Variants in PLCB4 observed in about 807,000 individuals in gnomAD.
PLCB4 encodes the protein 1-phosphatidylinositol 4,5-bisphosphate phosphodiesterase beta-4.
Under a neutral mutation model 178.8 loss-of-function variants are expected in PLCB4, and 77 were observed. That is an observed-to-expected ratio of 0.43 (90% CI 0.36 to 0.52). PLCB4 has a LOEUF of 0.52. PLCB4 is among the 20% of genes least tolerant of loss of function. The pLI is 0.00. For missense variants in PLCB4, 1,024 were observed against 1,453.4 expected (o/e 0.70, Z 4.80); for synonymous variants, 496 against 490.8 (o/e 1.01, Z -0.14).
At chr20:9,422,893 C>A (rs544956030) in intron 27 of PLCB4, among the ~76,000 whole-genome samples, 6 of 152,174 alleles carry the variant, frequency 3.9e-5, no homozygotes, top group Non-Finnish European at 5.9e-5. Context: ...TTATAGCCTT[C>A]AGATGTAAAT....
chr20:9,425,811 A>G (rs1359139729), intron 28 of PLCB4, among the ~76,000 whole-genome samples: 1 of 152,224 alleles, frequency 6.6e-6, no homozygotes, highest in Non-Finnish European at 1.5e-5. Context: ...ATGTGAAGAA[A>G]CCAGGGACAG....
At chr20:9,074,831 C>T (rs58428403) in intron 1 of PLCB4, among the ~76,000 whole-genome samples, 10 of 35,126 alleles carry the variant, frequency 2.8e-4, no homozygotes, top group African/African-American at 4.3e-4. Context: ...CAAAACAAAA[C>T]AAAACAAAAC....
At chr20:9,229,200 A>G (rs1450530054) in intron 3 of PLCB4, among the ~76,000 whole-genome samples, 1 of 152,200 alleles carries the variant, frequency 6.6e-6, no homozygotes, top group Non-Finnish European at 1.5e-5. Flanking sequence ...TGTGGACTAC[A>G]GTCTCCTGTC....
chr20:9,158,112 G>T (rs772835029), intron 2 of PLCB4, among the ~76,000 whole-genome samples: 1 of 152,196 alleles, frequency 6.6e-6, no homozygotes, highest in Middle Eastern at 3.4e-3. Context: ...AAAGTCACAC[G>T]GCAAGGAAGT....
intron 2 of PLCB4, among the ~76,000 whole-genome samples, chr20:9,156,705 A>G (rs533646103): frequency 2.0e-5 from 3 of 152,212 alleles, no homozygotes; most frequent in Non-Finnish European, 4.4e-5. Flanking sequence ...AAGCAATCAG[A>G]TCGTATTATC....
At chr20:9,281,453 A>C (rs919125854) in intron 3 of PLCB4, among the ~76,000 whole-genome samples, 1 of 152,040 alleles carries the variant, frequency 6.6e-6, no homozygotes, top group South Asian at 2.1e-4. Flanking sequence ...ATATTAAAAT[A>C]TTTAAAATAA....
At chr20:9,130,316 A>G (rs992802476) in intron 2 of PLCB4, among the ~76,000 whole-genome samples, 1 of 152,146 alleles carries the variant, frequency 6.6e-6, no homozygotes, top group African/African-American at 2.4e-5. Flanking sequence ...GCCTTTCTAA[A>G]AACTGCAGCC....
At chr20:9,460,806 G>A (rs959061065) in intron 35 of PLCB4, among the ~76,000 whole-genome samples, 1 of 152,162 alleles carries the variant, frequency 6.6e-6, no homozygotes, top group East Asian at 1.9e-4. Context: ...ACATTACTTT[G>A]GAGTGACAGA....
chr20:9,429,753 G>A (rs540008604), intron 28 of PLCB4, among the ~76,000 whole-genome samples: 1 of 152,300 alleles, frequency 6.6e-6, no homozygotes, highest in African/African-American at 2.4e-5. Flanking sequence ...TCTGGCCAGT[G>A]GAGAAACTGA....
chr20:9,118,151 G>A (rs938941575), intron 2 of PLCB4, among the ~76,000 whole-genome samples: 4 of 151,230 alleles, frequency 2.6e-5, no homozygotes, highest in African/African-American at 4.9e-5. Flanking sequence ...TACATGTGCC[G>A]TGCTGGTGCG....
intron 3 of PLCB4, among the ~76,000 whole-genome samples, chr20:9,250,510 T>C (rs983206097): frequency 1.3e-5 from 2 of 152,244 alleles, no homozygotes; most frequent in African/African-American, 4.8e-5. Context: ...CCATGATGCA[T>C]TTGTATAGTT....
intron 17 of PLCB4, among the ~76,000 whole-genome samples, chr20:9,391,715 G>A (rs1393037849): frequency 6.6e-6 from 1 of 152,156 alleles, no homozygotes; most frequent in Non-Finnish European, 1.5e-5. Flanking sequence ...AACATCCACA[G>A]CTTTTTGCCT....
intron 9 of PLCB4, 60 bp downstream of exon 9, chr20:9,365,574 A>G: frequency 1.0e-6 from 1 of 966,302 alleles, no homozygotes; most frequent in South Asian, 1.4e-5. Flanking sequence ...ATCCCAAACC[A>G]AAGAGAGAAC....
rs553320320 is a variant in PLCB4 at position 9,348,452 on chromosome 20, A to G, written c.369+9415A>G. The stretch of plus-strand genomic sequence containing the variant: ...TACTTTGGATCAGGGAGAAAAAGGA[A>G]CAATGAATTTGTTTAAATTTTTTTC... On this transcript the variant is annotated intron_variant, in intron 7 of 39. Coordinates refer to ENST00000378473, the MANE Select transcript of PLCB4 (RefSeq NM_001377142.1). Among the ~76,000 whole-genome samples the G allele has an allele frequency of 2.6e-5, 4 of 152,288 alleles. No individual in the cohort carries two copies. In the South Asian group the frequency reaches 8.3e-4, roughly 32 times the overall value.
chr20:9,406,912 T>C (rs73248722), intron 21 of PLCB4, among the ~76,000 whole-genome samples: 5,970 of 152,326 alleles, frequency 0.039, 401 homozygotes, highest in African/African-American at 0.14. Context: ...TTGATCACTT[T>C]TGAAGGTATT....
intron 2 of PLCB4, among the ~76,000 whole-genome samples, chr20:9,152,771 TG>T (rs1600743504): frequency 6.6e-6 from 1 of 152,064 alleles, no homozygotes; most frequent in East Asian, 1.9e-4. Flanking sequence ...GACCCCAAAA[TG>T]GTAGACCTAC....
intron 2 of PLCB4, among the ~76,000 whole-genome samples, chr20:9,206,307 T>TTTTTTTTTTTTTTTTTG (rs2093614251): frequency 8.6e-6 from 1 of 116,076 alleles, no homozygotes; most frequent in African/African-American, 3.8e-5. Flanking sequence ...TTCTTTTTTT[T>TTTTTTTTTTTTTTTTTG]TTTTTTTTTT....
chr20:9,448,291 A>G (rs1020064657), intron 32 of PLCB4, among the ~76,000 whole-genome samples: 7 of 152,032 alleles, frequency 4.6e-5, no homozygotes, highest in Non-Finnish European at 7.4e-5. Context: ...CTCTTTTATA[A>G]TAGTTTTCAG....
At chr20:9,421,685 C>A (rs576565538) in intron 27 of PLCB4, among the ~76,000 whole-genome samples, 1 of 152,344 alleles carries the variant, frequency 6.6e-6, no homozygotes, top group African/African-American at 2.4e-5. Flanking sequence ...TCCTGCACAG[C>A]AGTGCCTCAG....
Sources: allele counts gnomAD v4.1 joint callset (sites outside exome capture counted in the v4.1 genomes callset), GRCh38; gene constraint gnomAD v4.1.1; transcripts MANE v1.5; gene names NCBI Gene and HGNC (gene_info 2026-07-23, HGNC 2026-07-21).